SLCO2A1: variants seen among roughly 807,000 people sequenced by gnomAD.
The protein encoded by SLCO2A1 is matrin F/G 1.
SLCO2A1 carries 60 observed loss-of-function variants against 71.7 expected under a neutral mutation model. The ratio of observed to expected loss-of-function variants is 0.84; its 90% CI spans 0.68 to 1.04. The LOEUF is 1.04. SLCO2A1 is among the 50% of genes least tolerant of loss of function. SLCO2A1 has a pLI of 0.00. For synonymous variants in SLCO2A1, 308 were observed against 326.7 expected (o/e 0.94, Z 0.62); for missense variants, 745 against 813.4 (o/e 0.92, Z 1.02).
At chr3:133,942,534 A>C in intron 11 of SLCO2A1, 71 bp downstream of exon 11, 4 of 1,461,394 alleles carry the variant, frequency 2.7e-6, no homozygotes, top group Non-Finnish European at 3.7e-6. Context: ...ACAGGCAACT[A>C]GGCGCAAAGT....
At chr3:133,971,366 T>G (rs1934320795) in intron 3 of SLCO2A1, among the ~76,000 whole-genome samples, 1 of 152,230 alleles carries the variant, frequency 6.6e-6, no homozygotes, top group South Asian at 2.1e-4. Flanking sequence ...GGATCTTTCC[T>G]CATCCTCTGC....
At chr3:133,989,815 A>G (rs1559948663) in intron 1 of SLCO2A1, among the ~76,000 whole-genome samples, 3 of 152,220 alleles carry the variant, frequency 2.0e-5, no homozygotes, top group Admixed American at 6.5e-5. Flanking sequence ...GGTGCCTGTT[A>G]CTACAGAAGA....
chr3:134,015,598 TA>T (rs1341194868), intron 1 of SLCO2A1, among the ~76,000 whole-genome samples: 1 of 152,108 alleles, frequency 6.6e-6, no homozygotes. Context: ...TGTCTCACCA[TA>T]AAAAATGATA....
rs758347573 is a variant in SLCO2A1 at position 133,979,463 on chromosome 3, C to T, written c.234+18G>A. On this transcript the variant is annotated intron_variant, in intron 2 of 13. Coordinates refer to ENST00000310926, the MANE Select transcript of SLCO2A1 (RefSeq NM_005630.3). ...TGGTGCACAAGTGGAGTCTGATGGA[C>T]CAGAACCTCCTGCTCACCTCATTCA... 23 of 1,614,138 alleles carry T rather than the reference C, an allele frequency of 1.4e-5. No individual in the cohort carries two copies. The East Asian group carries it at 5.1e-4, about 36-fold the overall frequency.
At chr3:133,964,720 C>T (rs1360746980) in intron 3 of SLCO2A1, among the ~76,000 whole-genome samples, 1 of 152,208 alleles carries the variant, frequency 6.6e-6, no homozygotes, top group Non-Finnish European at 1.5e-5. Flanking sequence ...TCCCATACTG[C>T]CACCTTGGCA....
At chr3:133,948,806 C>T (rs1933656035) in intron 7 of SLCO2A1, 87 bp downstream of exon 7, 2 of 1,588,988 alleles carry the variant, frequency 1.3e-6, no homozygotes, top group African/African-American at 2.7e-5. Context: ...CCTTACCGCA[C>T]ACAACACCAC....
intron 1 of SLCO2A1, among the ~76,000 whole-genome samples, chr3:134,024,158 T>C (rs529344153): frequency 6.6e-6 from 1 of 152,366 alleles, no homozygotes; most frequent in African/African-American, 2.4e-5. Flanking sequence ...GGCACTCTGC[T>C]GAATAAATGG....
intron 3 of SLCO2A1, among the ~76,000 whole-genome samples, chr3:133,957,253 A>G (rs539804013): frequency 6.6e-6 from 1 of 152,214 alleles, no homozygotes; most frequent in South Asian, 2.1e-4. Flanking sequence ...GTCCCACCAG[A>G]GCCCACCACC....
Position 133,968,787 on chromosome 3 carries a change from C to T in SLCO2A1, c.397+4876G>A, listed in dbSNP as rs143195778. ...TTGGCCAGTTTCCCATAGAGGAAAA[C>T]CTCTCCGCGCCTTCCAGACGTGGTC... is the stretch of plus-strand genomic sequence containing the variant. On this transcript the variant is annotated intron_variant, in intron 3 of 13. Transcript: ENST00000310926. Among the ~76,000 whole-genome samples the T allele has an allele frequency of 5.3e-3, 808 of 152,312 alleles. 9 individuals carry two copies. The highest frequency in any genetic ancestry group is 0.018 in the African/African-American group (757 of 41,574).
intron 1 of SLCO2A1, among the ~76,000 whole-genome samples, chr3:133,981,377 GC>G (rs939954089): frequency 6.6e-6 from 1 of 152,212 alleles, no homozygotes; most frequent in African/African-American, 2.4e-5. Flanking sequence ...GTTTGTGTGT[GC>G]TTTTCCCCCT....
At chr3:133,939,959 C>T (rs1166113414) in intron 11 of SLCO2A1, among the ~76,000 whole-genome samples, 1 of 141,300 alleles carries the variant, frequency 7.1e-6, no homozygotes, top group African/African-American at 2.6e-5. Context: ...CCTACAAAGT[C>T]ATCTTTTTTT....
chr3:133,978,519 G>A (rs1317592837), intron 2 of SLCO2A1, among the ~76,000 whole-genome samples: 2 of 152,192 alleles, frequency 1.3e-5, no homozygotes, highest in Admixed American at 6.5e-5. Flanking sequence ...GAAGGCTGGG[G>A]AGAGGAGATA....
chr3:133,942,864 G>T, intron 10 of SLCO2A1, 96 bp from the exon 11 acceptor site: 1 of 1,314,462 alleles, frequency 7.6e-7, no homozygotes, highest in South Asian at 1.6e-5. Flanking sequence ...GGAGACTGAG[G>T]TTTCAACCCT....
rs1934132195 is a variant in SLCO2A1, at chr3:133,965,064, T to C, written c.397+8599A>G. Among the ~76,000 whole-genome samples the C allele has an allele frequency of 2.0e-5, 3 of 152,108 alleles. No individual in the cohort carries two copies. The South Asian group carries it at 6.2e-4, about 32-fold the overall frequency. ...ATTAGTACTCCCCCACCCTGATGGG[T>C]GTGAGATAGAATTTATTGTTCACAG... is the stretch of plus-strand genomic sequence containing the variant. On this transcript the variant is annotated intron_variant, in intron 3 of 13. Coordinates refer to ENST00000310926, the MANE Select transcript of SLCO2A1 (RefSeq NM_005630.3).
chr3:133,974,688 G>A (rs1269571235), intron 2 of SLCO2A1, among the ~76,000 whole-genome samples: 1 of 152,222 alleles, frequency 6.6e-6, no homozygotes, highest in Non-Finnish European at 1.5e-5. Flanking sequence ...GGGAACTGAA[G>A]GCTCCAGCAT....
At chr3:134,009,001 T>C (rs933441872) in intron 1 of SLCO2A1, among the ~76,000 whole-genome samples, 1 of 152,212 alleles carries the variant, frequency 6.6e-6, no homozygotes, top group Non-Finnish European at 1.5e-5. Flanking sequence ...AGCTGCATCC[T>C]TGGTCCACCC....
chr3:133,997,878 CTATT>C (rs899056002), intron 1 of SLCO2A1, among the ~76,000 whole-genome samples: 3 of 152,220 alleles, frequency 2.0e-5, no homozygotes, highest in African/African-American at 7.2e-5. Flanking sequence ...GCAAGTTACA[CTATT>C]TATGTTAAGC....
intron 11 of SLCO2A1, 130 bp from the exon 12 acceptor site, chr3:133,938,623 G>T: frequency 1.3e-6 from 1 of 767,744 alleles, no homozygotes; most frequent in Admixed American, 2.0e-5. Flanking sequence ...CTGGTGACCG[G>T]GTTCACCTGG....
At chr3:133,974,417 G>A (rs1366013927) in intron 2 of SLCO2A1, among the ~76,000 whole-genome samples, 1 of 152,172 alleles carries the variant, frequency 6.6e-6, no homozygotes, top group Non-Finnish European at 1.5e-5. Flanking sequence ...TTAGGGCATG[G>A]CTTGAACCAG....
Sources: gnomAD v4.1 joint callset for allele counts (sites outside exome capture counted in the v4.1 genomes callset) on GRCh38, gnomAD v4.1.1 for gene constraint, MANE v1.5 for transcripts, NCBI Gene and HGNC (gene_info 2026-07-23, HGNC 2026-07-21) for gene names.